Variants in DOCK1 observed in about 807,000 individuals in gnomAD.
The protein encoded by DOCK1 is dedicator of cytokinesis 1, also known as dedicator of cytokinesis protein 1.
In DOCK1, 138 loss-of-function variants were observed where a neutral mutation model predicts 262.7. That is an observed-to-expected ratio of 0.53 (90% CI 0.46 to 0.61). DOCK1 has a LOEUF of 0.61. Among genes scored for constraint, DOCK1 ranks in the 20% least tolerant of loss-of-function variants. The pLI is 0.00. For missense variants in DOCK1, 1,908 were observed against 2,370.7 expected (o/e 0.80, Z 4.05); for synonymous variants, 866 against 867.4 (o/e 1.00, Z 0.03).
At chr10:127,403,192 T>C (rs1256298961) in intron 39 of DOCK1, 48 bp downstream of exon 39, 3 of 1,537,026 alleles carry the variant, frequency 2.0e-6, no homozygotes, top group East Asian at 2.4e-5. Flanking sequence ...CAATCTCAGC[T>C]GGTTTTTCAG....
At chr10:127,261,224 T>C (rs1447422175) in intron 29 of DOCK1, among the ~76,000 whole-genome samples, 11 of 138,778 alleles carry the variant, frequency 7.9e-5, no homozygotes, top group East Asian at 2.3e-4. Flanking sequence ...TGTGTGCATG[T>C]GGGTGTGCGT....
In DOCK1 at chr10:127,012,836, C is replaced by G. The variant is rs200282204; in HGVS notation, c.1201+462C>G. On this transcript the variant is annotated intron_variant, in intron 12 of 51. Coordinates refer to ENST00000623213, the MANE Select transcript of DOCK1 (RefSeq NM_001290223.2). This position sits in a 1 kb window ranked among gnomAD's most constrained non-coding sequence, Gnocchi z 4.0. ...AATCCTGCACTGACACGTTTCTGAG[C>G]AGCTGACCTGCTGCTGGCAGAAGGA... Among the ~76,000 whole-genome samples the G allele has an allele frequency of 2.6e-5, 4 of 152,320 alleles. No individual in the cohort carries two copies. In the East Asian group the frequency reaches 5.8e-4, roughly 22 times the overall value.
chr10:126,989,608 G>A (rs915718130), intron 5 of DOCK1, among the ~76,000 whole-genome samples: 3 of 152,130 alleles, frequency 2.0e-5, no homozygotes, highest in South Asian at 4.1e-4. Flanking sequence ...ATTATAGGCC[G>A]GAGCTACCAA....
intron 31 of DOCK1, among the ~76,000 whole-genome samples, chr10:127,351,346 A>C (rs2063871213): frequency 6.6e-6 from 1 of 152,110 alleles, no homozygotes; most frequent in Non-Finnish European, 1.5e-5. Flanking sequence ...CCCACTGTGA[A>C]TCTCAGCTCT....
chr10:127,450,796 A>G (rs758747700), intron 51 of DOCK1, among the ~76,000 whole-genome samples: 3 of 152,206 alleles, frequency 2.0e-5, no homozygotes, highest in Admixed American at 6.5e-5. Context: ...CTTGGAACAC[A>G]GCCACACCCC....
intron 32 of DOCK1, among the ~76,000 whole-genome samples, chr10:127,360,292 G>A (rs1156404203): frequency 6.6e-6 from 1 of 152,092 alleles, no homozygotes; most frequent in Non-Finnish European, 1.5e-5. Flanking sequence ...CAGGAGTACC[G>A]CAGCCACGCA....
chr10:127,260,707 CTGTG>C, intron 29 of DOCK1, among the ~76,000 whole-genome samples: 1 of 126,690 alleles, frequency 7.9e-6, no homozygotes, highest in African/African-American at 3.2e-5. Flanking sequence ...TCGTGCTCAT[CTGTG>C]TGTCCTTGCA....
At chr10:126,976,615 G>A (rs575364248) in intron 2 of DOCK1, among the ~76,000 whole-genome samples, 1 of 152,230 alleles carries the variant, frequency 6.6e-6, no homozygotes, top group South Asian at 2.1e-4. Flanking sequence ...TTTTAATAGT[G>A]TAAAGAAACC....
At chr10:127,204,492 G>A (rs1395652305) in intron 27 of DOCK1, among the ~76,000 whole-genome samples, 1 of 151,992 alleles carries the variant, frequency 6.6e-6, no homozygotes, top group Admixed American at 6.6e-5. Context: ...TCACCATGTT[G>A]GCCAGGCTGG....
chr10:127,097,972 C>T (rs951483986), intron 23 of DOCK1, among the ~76,000 whole-genome samples: 1 of 152,202 alleles, frequency 6.6e-6, no homozygotes, highest in Non-Finnish European at 1.5e-5. Flanking sequence ...AAACTCAGCT[C>T]TGTCTTTTGG....
chr10:127,023,060 CTG>C, intron 13 of DOCK1, 138 bp from the exon 14 acceptor site: 1 of 1,048,480 alleles, frequency 9.5e-7, no homozygotes, highest in East Asian at 2.8e-5. Flanking sequence ...AATGGTGAGA[CTG>C]TTTTGTAGAA....
At chr10:126,957,466 C>T (rs2036841171) in intron 1 of DOCK1, among the ~76,000 whole-genome samples, 1 of 152,136 alleles carries the variant, frequency 6.6e-6, no homozygotes, top group Non-Finnish European at 1.5e-5. Context: ...TTCAATCCAG[C>T]CTTATTTATT....
intron 33 of DOCK1, among the ~76,000 whole-genome samples, chr10:127,363,507 C>T (rs1308794853): frequency 6.6e-6 from 1 of 151,960 alleles, no homozygotes. Flanking sequence ...ATTATTATAG[C>T]AATTCAAGTA....
intron 1 of DOCK1, among the ~76,000 whole-genome samples, chr10:126,915,786 G>A (rs1228636336): frequency 6.6e-6 from 1 of 152,110 alleles, no homozygotes; most frequent in African/African-American, 2.4e-5. Context: ...CTGTCTGGCT[G>A]TTCCTGTTCC....
At chr10:127,250,733 A>C (rs2059598066) in intron 28 of DOCK1, among the ~76,000 whole-genome samples, 2 of 126,702 alleles carry the variant, frequency 1.6e-5, no homozygotes, top group African/African-American at 6.0e-5. Flanking sequence ...CAGAGGTTGC[A>C]GTGAGCCGAG....
intron 27 of DOCK1, among the ~76,000 whole-genome samples, chr10:127,210,168 C>G (rs2057911823): frequency 1.3e-5 from 2 of 152,184 alleles, no homozygotes; most frequent in Non-Finnish European, 2.9e-5. Flanking sequence ...TTTATGAAGT[C>G]TTACATTTGG....
At chr10:127,391,379 C>T (rs924781429) in intron 38 of DOCK1, among the ~76,000 whole-genome samples, 7 of 152,126 alleles carry the variant, frequency 4.6e-5, no homozygotes, top group African/African-American at 1.7e-4. Context: ...TAGAAACAGG[C>T]AGCTGCCAAG....
At chr10:127,075,067 G>T (rs2046435620) in intron 23 of DOCK1, among the ~76,000 whole-genome samples, 1 of 151,364 alleles carries the variant, frequency 6.6e-6, no homozygotes, top group Non-Finnish European at 1.5e-5. Context: ...TACTTGGGAG[G>T]CTGAGGCAGG....
chr10:126,942,787 T>G (rs2035119711), intron 1 of DOCK1, among the ~76,000 whole-genome samples: 1 of 152,222 alleles, frequency 6.6e-6, no homozygotes, highest in Admixed American at 6.5e-5. Context: ...AGCTGATGAT[T>G]CCTCTGGATG....
Sources: allele counts gnomAD v4.1 joint callset (sites outside exome capture counted in the v4.1 genomes callset), GRCh38; gene constraint gnomAD v4.1.1; non-coding constraint Gnocchi (gnomAD v3.1); transcripts MANE v1.5; gene names NCBI Gene and HGNC (gene_info 2026-07-23, HGNC 2026-07-21).